Variants in SCARA5 observed in about 807,000 individuals in gnomAD.
The protein encoded by SCARA5 is scavenger receptor class A member 5, also known as scavenger receptor class A, member 5 (putative).
SCARA5 carries 45 observed loss-of-function variants against 46.3 expected under a neutral mutation model. That is an observed-to-expected ratio of 0.97 (90% confidence interval 0.76 to 1.24). The LOEUF (loss-of-function observed/expected upper bound fraction) is 1.24. Among genes scored for constraint, SCARA5 ranks in the 50% most tolerant of loss-of-function variants. SCARA5 has a pLI of 0.00. For missense variants in SCARA5, 680 were observed against 689.0 expected, an observed-to-expected ratio of 0.99 and a Z score of 0.15; for synonymous variants, 333 against 306.5, an observed-to-expected ratio of 1.09 and a Z score of -0.90.
At position 27,992,315 on chromosome 8, in the gene SCARA5, T is replaced by A. The variant is rs1808801195; in HGVS notation, c.-74A>T. The A allele has an allele frequency of 1.3e-5, 2 of 152,452 alleles. No individual in the cohort carries two copies. Among genetic ancestry groups the A allele is most frequent in the Admixed American group, 1.3e-4 (2 of 15,306 alleles). The allele number at this position is 152,452 out of a possible 1,614,324, so 9.4% of individuals were successfully genotyped here. A position where few individuals can be genotyped will look rare whatever the true frequency, so the allele number is the denominator to read the frequency against. The stretch of plus-strand genomic sequence containing the variant: ...TCCCCTCAGATCTCAGCATTTGCCA[T>A]GGTGGCCAGAGAGCTGGCTGCCACC... On this transcript the variant is annotated 5_prime_UTR_variant, in exon 1 of 9. The change abolishes an upstream ATG in the 5' untranslated region. Transcript: ENST00000354914.
chr8:27,967,543 A>G (rs1563541090), intron 2 of SCARA5, among the ~76,000 whole-genome samples: 1 of 152,158 alleles, frequency 6.6e-6, no homozygotes, highest in African/African-American at 2.4e-5. Flanking sequence ...TTTTTAAAAA[A>G]TGCTTATCCC....
chr8:27,919,350 G>A (rs936623180), intron 4 of SCARA5, among the ~76,000 whole-genome samples: 1 of 151,112 alleles, frequency 6.6e-6, no homozygotes, highest in Non-Finnish European at 1.5e-5. Context: ...GGGAAGGTGA[G>A]CTGTGCTTCC....
chr8:27,954,317 T>C (rs1461322933), intron 3 of SCARA5, among the ~76,000 whole-genome samples: 1 of 152,138 alleles, frequency 6.6e-6, no homozygotes, highest in Non-Finnish European at 1.5e-5. Context: ...GGTGGTCTTA[T>C]GAACAACCCC....
At chr8:27,946,310 C>T (rs575902752) in intron 3 of SCARA5, among the ~76,000 whole-genome samples, 2 of 152,320 alleles carry the variant, frequency 1.3e-5, no homozygotes, top group South Asian at 2.1e-4. Context: ...AACCAGGATT[C>T]GTGAAAACAA....
At chr8:27,923,863 G>A (rs562317420) in intron 3 of SCARA5, among the ~76,000 whole-genome samples, 1 of 152,286 alleles carries the variant, frequency 6.6e-6, no homozygotes, top group East Asian at 1.9e-4. Context: ...GTGAGCCACT[G>A]CACCCGGCCC....
intron 3 of SCARA5, among the ~76,000 whole-genome samples, chr8:27,941,800 C>CATCATTATT (rs1554573666): frequency 1.1e-3 from 152 of 135,298 alleles, no homozygotes; most frequent in Middle Eastern, 7.4e-3. Context: ...TTTACATCAT[C>CATCATTATT]ATTATTATTA....
At chr8:27,925,294 A>C (rs1272318866) in intron 3 of SCARA5, among the ~76,000 whole-genome samples, 2 of 152,234 alleles carry the variant, frequency 1.3e-5, no homozygotes, top group African/African-American at 4.8e-5. Flanking sequence ...ACAGAGATAT[A>C]GACCAATGGA....
chr8:27,912,545 T>C (rs2727000), intron 4 of SCARA5, among the ~76,000 whole-genome samples: 83,489 of 151,952 alleles, frequency 0.55, 23,728 homozygotes, highest in Non-Finnish European at 0.63. Context: ...AGGAAGCAAA[T>C]GCGTTCCACT....
rs755941306 is a variant in SCARA5, at chr8:27,969,136, G to A, written c.113-2594C>T. Among the ~76,000 whole-genome samples the A allele has an allele frequency of 3.9e-5, 6 of 152,280 alleles. No individual in the cohort carries two copies. In the South Asian group the frequency reaches 6.2e-4, roughly 16 times the overall value. ...GGGAAAGAAGACAATTTAAGACAACGACAAGTCACAAAGGCTGCCCAAAAC... is the reference window on the plus strand; with the variant it reads ...GGGAAAGAAGACAATTTAAGACAACAACAAGTCACAAAGGCTGCCCAAAAC... On this transcript the variant is annotated intron_variant, in intron 2 of 8. Transcript: ENST00000354914.
At chr8:27,962,901 A>G (rs1228993502) in intron 3 of SCARA5, among the ~76,000 whole-genome samples, 3 of 152,176 alleles carry the variant, frequency 2.0e-5, no homozygotes, top group South Asian at 2.1e-4. Flanking sequence ...CAAATTCAGC[A>G]CTTGTTGAGG....
At chr8:27,910,053 A>T (rs1264524519) in intron 4 of SCARA5, 1 of 256,784 alleles carries the variant, frequency 3.9e-6, no homozygotes, top group Admixed American at 5.3e-5. Flanking sequence ...CTAATCCCCA[A>T]TGTGACAGTT....
chr8:27,870,675 AC>A lies in SCARA5; in HGVS notation c.*1258del, dbSNP rs1806621941. 1 of 152,166 alleles carries A rather than the reference AC, an allele frequency of 6.6e-6. No homozygotes were observed. Among genetic ancestry groups the A allele is most frequent in the African/African-American group, 2.4e-5 (1 of 41,436 alleles). The allele number at this position is 152,166 out of a possible 1,614,324, so 9.4% of individuals were successfully genotyped here. On this transcript the variant is annotated 3_prime_UTR_variant, in exon 9 of 9. Coordinates refer to ENST00000354914, the MANE Select transcript of SCARA5 (RefSeq NM_173833.6). ...CTGCTCCTCATGTAAAAAGCAGAAC[AC>A]GATCTCCCTGTCTCTAGGAGGAGGG...
At chr8:27,952,012 T>G (rs762367993) in intron 3 of SCARA5, among the ~76,000 whole-genome samples, 1 of 148,804 alleles carries the variant, frequency 6.7e-6, no homozygotes. Context: ...AATAAACTCT[T>G]GGTAGGTGTA....
At chr8:27,917,056 C>G (rs1202959559) in intron 4 of SCARA5, among the ~76,000 whole-genome samples, 2 of 152,176 alleles carry the variant, frequency 1.3e-5, no homozygotes, top group Non-Finnish European at 2.9e-5. Flanking sequence ...TGGTCCCGAA[C>G]AGGGCCCAAC....
intron 3 of SCARA5, among the ~76,000 whole-genome samples, chr8:27,937,084 T>A (rs180980481): frequency 1.4e-3 from 210 of 152,314 alleles, no homozygotes; most frequent in Non-Finnish European, 1.0e-3. Context: ...AATTTATAAG[T>A]AGCATTCGAG....
intron 3 of SCARA5, among the ~76,000 whole-genome samples, chr8:27,940,988 CTA>C (rs1807936504): frequency 6.6e-6 from 1 of 152,030 alleles, no homozygotes; most frequent in East Asian, 1.9e-4. Flanking sequence ...CAAAACACTC[CTA>C]TGAAATTTTG....
chr8:27,940,946 T>A (rs1484402794), intron 3 of SCARA5, among the ~76,000 whole-genome samples: 1 of 152,224 alleles, frequency 6.6e-6, no homozygotes, highest in African/African-American at 2.4e-5. Flanking sequence ...ATTGGTTGGA[T>A]ATCTTCAGGA....
chr8:27,976,952 G>GC (rs1325171433), intron 2 of SCARA5, among the ~76,000 whole-genome samples: 1 of 152,210 alleles, frequency 6.6e-6, no homozygotes, highest in African/African-American at 2.4e-5. Context: ...GGCTTAGCCA[G>GC]CCCCCCTGCC....
At chr8:27,936,481 C>T (rs563072624) in intron 3 of SCARA5, among the ~76,000 whole-genome samples, 41 of 149,686 alleles carry the variant, frequency 2.7e-4, no homozygotes, top group African/African-American at 8.6e-4. Context: ...TCCAGCTATT[C>T]GGGAGGCTGA....
Sources: allele counts gnomAD v4.1 joint callset (sites outside exome capture counted in the v4.1 genomes callset), GRCh38; gene constraint gnomAD v4.1.1; transcripts MANE v1.5; gene names NCBI Gene and HGNC (gene_info 2026-07-23, HGNC 2026-07-21).